The following ZNF318 variants were observed in gnomAD, a reference collection of about 807,000 sequenced individuals.
ZNF318 encodes the protein endocrine regulator.
In ZNF318, 51 loss-of-function variants were observed where a neutral mutation model predicts 124.2. That is an observed-to-expected ratio of 0.41 (90% CI 0.33 to 0.52). The LOEUF is 0.52. Ranked by LOEUF, ZNF318 falls within the 20% of genes least tolerant of loss-of-function variation. ZNF318 has a pLI of 0.23. For synonymous variants in ZNF318, 1,090 were observed against 1,040.7 expected, an observed-to-expected ratio of 1.05 and a Z score of -0.91; for missense variants, 2,815 against 2,811.2, an observed-to-expected ratio of 1.00 and a Z score of -0.03.
In ZNF318 at chr6:43,338,400, T is replaced by C. The variant is rs1276505823; in HGVS notation, c.5598A>G (p.Lys1866=). ...SPQACSFTKA[K]LDSFLSEARS... is the part of the protein sequence containing the mutation. ...TAGCTTCTGATAAAAATGAGTCTAATTTTGCCTTTGTGAAAGAGCAAGCCT... is the reference window on the plus strand; with the variant it reads ...TAGCTTCTGATAAAAATGAGTCTAACTTTGCCTTTGTGAAAGAGCAAGCCT... Residue 1866 remains lysine (K), a synonymous_variant, in exon 10 of 10, where the codon AAA becomes AAG. Transcript: ENST00000361428. The C allele has an allele frequency of 1.9e-6, 3 of 1,614,196 alleles. No homozygotes were observed. Among genetic ancestry groups the C allele is most frequent in the East Asian group, 2.2e-5 (1 of 44,890 alleles).
rs1367533696 is a variant in ZNF318 at position 43,357,611 on chromosome 6, C to T, written c.703G>A (p.Asp235Asn). 1 of 1,614,128 alleles carries T rather than the reference C, an allele frequency of 6.2e-7. No homozygotes were observed. The highest frequency in any genetic ancestry group is 1.7e-5 in the Admixed American group (1 of 60,018). ...RTKETFLHRS[D>N]YSPHISCHDE... ...TGACAACTGATATGGGGACTATAAT[C>T]AGATCGATGCAGGAAAGTTTCTTTT... Residue 235 changes from aspartate to asparagine, a missense_variant, in exon 3 of 10, where the codon GAT becomes AAT. Physicochemically the swap from Asp to Asn is conservative, Grantham distance 23. Transcript: ENST00000361428.
chr6:43,362,158 T>C (rs1779687982), intron 2 of ZNF318, among the ~76,000 whole-genome samples: 1 of 151,328 alleles, frequency 6.6e-6, no homozygotes, highest in South Asian at 2.1e-4. Flanking sequence ...AGACCCTGTC[T>C]CTTAAAAATA....
At chr6:43,347,742 G>A (rs1366136987) in intron 6 of ZNF318, among the ~76,000 whole-genome samples, 1 of 152,146 alleles carries the variant, frequency 6.6e-6, no homozygotes, top group Non-Finnish European at 1.5e-5. Context: ...GCATAGGACT[G>A]GATGAAATGG....
intron 6 of ZNF318, among the ~76,000 whole-genome samples, chr6:43,344,607 A>G (rs1779413432): frequency 6.6e-6 from 1 of 151,568 alleles, no homozygotes; most frequent in South Asian, 2.1e-4. Context: ...ACCACTCTAT[A>G]CTCCTTATCC....
intron 1 of ZNF318, 129 bp downstream of exon 1, chr6:43,368,838 C>A: frequency 8.1e-7 from 1 of 1,236,418 alleles, no homozygotes; most frequent in South Asian, 3.5e-5. Flanking sequence ...GCTCGGCATC[C>A]CCGAGGGAGT....
chr6:43,344,545 T>C (rs561184937), intron 6 of ZNF318, among the ~76,000 whole-genome samples: 4 of 152,358 alleles, frequency 2.6e-5, no homozygotes, highest in South Asian at 2.1e-4. Flanking sequence ...AACAAAGATA[T>C]GTAAATCGGC....
Position 43,339,224 on chromosome 6 carries a change from T to C in ZNF318, c.4774A>G (p.Ser1592Gly). The C allele has an allele frequency of 1.2e-6, 2 of 1,614,218 alleles. No individual in the cohort carries two copies. The highest frequency in any genetic ancestry group is 1.7e-6 in the Non-Finnish European group (2 of 1,180,032). ...TCCCCATTGGCCAATGGACCACCAC[T>C]TAGCTTAGTCTCAGGGGCCCCCTTA... ...ETKGAPETKL[S>G]GGPLANGENS... The change falls in exon 10 of 10, where the codon AGT becomes GGT. Residue 1592 changes from serine (S) to glycine (G), a missense_variant. Around this residue, in one of 4 missense-constraint regions of ZNF318, gnomAD observed 927 missense variants for 820.6 expected, o/e 1.13. Coordinates refer to ENST00000361428, the MANE Select transcript of ZNF318 (RefSeq NM_014345.3). The surrounding 1 kb of genome is among the most constrained non-coding windows in gnomAD (Gnocchi z 4.2).
intron 6 of ZNF318, 94 bp from the exon 7 acceptor site, chr6:43,342,973 G>T: frequency 5.5e-6 from 5 of 913,822 alleles, no homozygotes; most frequent in Admixed American, 2.8e-5. Flanking sequence ...ATAGAAATAG[G>T]GCCATATGAC....
At position 43,340,828 on chromosome 6, in the gene ZNF318, G is replaced by C; in HGVS notation, c.3457C>G (p.Gln1153Glu). Residue 1153 changes from glutamine to glutamate, a missense_variant, in exon 9 of 10, where the codon CAA becomes GAA. Physicochemically the swap from Gln to Glu is conservative, Grantham distance 29. Coordinates refer to ENST00000361428, the MANE Select transcript of ZNF318 (RefSeq NM_014345.3). ...TTGTGTTGGTGACCCTTCACATGTT[G>C]CTCCCCAGAAATTGGATCCCCCAAA... ...EFLGDPISGE[Q>E]HVKGHQHNEK... The C allele has an allele frequency of 6.2e-7, 1 of 1,614,080 alleles. No homozygotes were observed. Among genetic ancestry groups the C allele is most frequent in the Non-Finnish European group, 8.5e-7 (1 of 1,179,986 alleles).
Position 43,357,635 on chromosome 6 carries a change from T to C in ZNF318, c.679A>G (p.Lys227Glu). The C allele has an allele frequency of 6.2e-7, 1 of 1,614,068 alleles. No homozygotes were observed. The highest frequency in any genetic ancestry group is 1.6e-4 in the Middle Eastern group (1 of 6,062). ...LGQLDEDYRT[K>E]ETFLHRSDYS... ...TCAGATCGATGCAGGAAAGTTTCTT[T>C]TGTTCGGTAGTCCTCATCAAGTTGT... The change falls in exon 3 of 10, where the codon AAA (lysine) becomes GAA (glutamate). Residue 227 changes from lysine to glutamate, a missense_variant. Lys to Glu is a moderately conservative substitution (Grantham distance 56). Transcript: ENST00000361428.
At chr6:43,342,361 C>T in intron 7 of ZNF318, 150 bp from the exon 8 acceptor site, 1 of 568,346 alleles carries the variant, frequency 1.8e-6, no homozygotes, top group Non-Finnish European at 3.0e-6. Context: ...TAATGGAAAT[C>T]ACCTGTGGAA....
chr6:43,341,681 G>A (rs1404903470), intron 8 of ZNF318, among the ~76,000 whole-genome samples: 2 of 149,460 alleles, frequency 1.3e-5, no homozygotes, highest in African/African-American at 2.5e-5. Context: ...AAGAAATTGA[G>A]AAGTTTAAAG....
chr6:43,352,548 C>T (rs925072051), intron 4 of ZNF318, 72 bp from the exon 5 acceptor site: 3 of 1,382,874 alleles, frequency 2.2e-6, no homozygotes, highest in Non-Finnish European at 1.0e-6. Context: ...CTTCCAGAAG[C>T]CTTCTTCCTA....
At chr6:43,352,256 T>C in intron 5 of ZNF318, 121 bp downstream of exon 5, 2 of 723,582 alleles carry the variant, frequency 2.8e-6, no homozygotes, top group South Asian at 1.9e-5. Context: ...TTTGTAAGTT[T>C]AATTACGTCA....
chr6:43,362,431 A>G (rs909197863), intron 2 of ZNF318, among the ~76,000 whole-genome samples: 1 of 151,990 alleles, frequency 6.6e-6, no homozygotes, highest in Admixed American at 6.6e-5. Flanking sequence ...CCAGCCAGGC[A>G]ACAGTGCAAG....
In ZNF318 at chr6:43,338,319, C is replaced by T; in HGVS notation, c.5679G>A (p.Leu1893=). 2 of 1,614,160 alleles carry T rather than the reference C, an allele frequency of 1.2e-6. No individual in the cohort carries two copies. Among genetic ancestry groups the T allele is most frequent in the South Asian group, 2.2e-5 (2 of 91,076 alleles). ...TPVKISAPEL[L]LHSPARSAMC... ...TAGCTGATCTGGCTGGGGAATGAAG[C>T]AGCAACTCTGGGGCAGAAATTTTCA... is the stretch of plus-strand genomic sequence containing the variant. Residue 1893 remains leucine (L), a synonymous_variant, in exon 10 of 10, where the codon CTG becomes CTA. Transcript: ENST00000361428.
intron 5 of ZNF318, among the ~76,000 whole-genome samples, chr6:43,351,193 T>C (rs1488473221): frequency 6.6e-6 from 1 of 152,228 alleles, no homozygotes; most frequent in Non-Finnish European, 1.5e-5. Context: ...TCTTCCAGAA[T>C]GTTAATGTTA....
intron 2 of ZNF318, among the ~76,000 whole-genome samples, chr6:43,364,476 C>T (rs199777363): frequency 1.3e-5 from 2 of 152,288 alleles, no homozygotes; most frequent in South Asian, 2.1e-4. Flanking sequence ...CTGTGCAACA[C>T]GGCAAGCGAC....
chr6:43,336,754 C>A lies in ZNF318; in HGVS notation c.*404G>T, dbSNP rs1779285023. 1 of 152,722 alleles carries A rather than the reference C, an allele frequency of 6.5e-6. No individual in the cohort carries two copies. 9.5% of individuals were successfully genotyped at this position (152,722 alleles called of 1,614,324 possible). Reference sequence around the variant, plus strand: ...CCCAGGAAATTGGGTAGGAATACAACACAGCAACTGGAGAGGTCAGCTGCC... The same window carrying A: ...CCCAGGAAATTGGGTAGGAATACAAAACAGCAACTGGAGAGGTCAGCTGCC... On this transcript the variant is annotated 3_prime_UTR_variant, in exon 10 of 10. Transcript: ENST00000361428.
Sources: allele counts gnomAD v4.1 joint callset (sites outside exome capture counted in the v4.1 genomes callset), GRCh38; gene constraint gnomAD v4.1.1; regional missense constraint gnomAD v4.1.1; non-coding constraint Gnocchi (gnomAD v3.1); transcripts MANE v1.5; gene names NCBI Gene and HGNC (gene_info 2026-07-23, HGNC 2026-07-21).